CAP2: variants seen among roughly 807,000 people sequenced by gnomAD.
The protein encoded by CAP2 is adenylyl cyclase-associated protein 2.
Under a neutral mutation model 57.7 loss-of-function variants are expected in CAP2, and 24 were observed. The observed-to-expected ratio is 0.42, with a 90% CI of 0.30 to 0.58. The LOEUF (loss-of-function observed/expected upper bound fraction) is 0.58, where lower values mean the gene tolerates loss of function less well. Among genes scored for constraint, CAP2 ranks in the 20% least tolerant of loss-of-function variants. The pLI is 0.22. For synonymous variants in CAP2, 194 were observed against 207.2 expected (o/e 0.94, Z 0.55); for missense variants, 501 against 590.3 (o/e 0.85, Z 1.57).
At chr6:17,486,672 G>A (rs926406148) in intron 4 of CAP2, among the ~76,000 whole-genome samples, 1 of 152,120 alleles carries the variant, frequency 6.6e-6, no homozygotes. Context: ...TAAGACAATC[G>A]AGATTATTCT....
chr6:17,526,374 T>C (rs1762510127), intron 7 of CAP2, among the ~76,000 whole-genome samples: 2 of 151,980 alleles, frequency 1.3e-5, no homozygotes, highest in Admixed American at 1.3e-4. Context: ...CTTCTGTGCC[T>C]CCCAAAGTGC....
At chr6:17,408,339 C>T (rs570617661) in intron 1 of CAP2, among the ~76,000 whole-genome samples, 133 of 152,114 alleles carry the variant, frequency 8.7e-4, no homozygotes, top group Non-Finnish European at 1.3e-3. Flanking sequence ...CTCTACAGCT[C>T]ACAAATGGAT....
intron 2 of CAP2, among the ~76,000 whole-genome samples, chr6:17,424,574 C>T (rs969322266): frequency 2.4e-4 from 36 of 152,008 alleles, no homozygotes; most frequent in African/African-American, 8.7e-4. Flanking sequence ...AGTATTTTTG[C>T]GTTTTTATAA....
intron 1 of CAP2, among the ~76,000 whole-genome samples, chr6:17,408,660 C>CTTTTTTTTTT (rs35571407): frequency 8.3e-6 from 1 of 120,454 alleles, no homozygotes. Flanking sequence ...TGATAGCCTC[C>CTTTTTTTTTT]TTTTTTTTTT....
intron 3 of CAP2, among the ~76,000 whole-genome samples, chr6:17,449,320 A>C (rs1009859881): frequency 2.0e-5 from 3 of 152,194 alleles, no homozygotes; most frequent in African/African-American, 7.2e-5. Context: ...ATAATCATTT[A>C]AAAAATTAGT....
intron 1 of CAP2, among the ~76,000 whole-genome samples, chr6:17,407,643 G>T (rs1759017079): frequency 6.6e-6 from 1 of 151,876 alleles, no homozygotes; most frequent in Non-Finnish European, 1.5e-5. Context: ...GCTGAGTGTG[G>T]TGATGCACGC....
chr6:17,542,139 C>T (rs1241820659), intron 9 of CAP2, among the ~76,000 whole-genome samples: 2 of 152,186 alleles, frequency 1.3e-5, no homozygotes, highest in Non-Finnish European at 2.9e-5. Context: ...ATTCTACTTT[C>T]TGTCTCTATG....
intron 3 of CAP2, among the ~76,000 whole-genome samples, chr6:17,462,303 G>A (rs1411978318): frequency 1.3e-5 from 2 of 152,030 alleles, no homozygotes; most frequent in African/African-American, 2.4e-5. Flanking sequence ...CCTCTAGAAG[G>A]TGTAGAATAG....
At chr6:17,421,804 A>C in intron 2 of CAP2, 128 bp downstream of exon 2, 1 of 1,074,734 alleles carries the variant, frequency 9.3e-7, no homozygotes, top group Non-Finnish European at 1.4e-6. Context: ...GTATGTGACC[A>C]TAACATTAAC....
chr6:17,492,159 G>A lies in CAP2; in HGVS notation c.301-15010G>A, dbSNP rs73721595. On this transcript the variant is annotated intron_variant, in intron 4 of 12. Coordinates refer to ENST00000229922, the MANE Select transcript of CAP2 (RefSeq NM_006366.3). Reference sequence around the variant, plus strand: ...TGCTGGAAAGGTACATCTTAGAAACGCAGAGAAATCTTCTATAATCAACCA... The same window carrying A: ...TGCTGGAAAGGTACATCTTAGAAACACAGAGAAATCTTCTATAATCAACCA... Among the ~76,000 whole-genome samples, 817 of 152,322 alleles carry A rather than the reference G, an allele frequency of 5.4e-3. 8 individuals carry two copies. The highest frequency in any genetic ancestry group is 0.019 in the African/African-American group (789 of 41,558).
chr6:17,409,613 A>C (rs183300707), intron 1 of CAP2, among the ~76,000 whole-genome samples: 1 of 152,186 alleles, frequency 6.6e-6, no homozygotes, highest in East Asian at 1.9e-4. Flanking sequence ...GGCATGTATT[A>C]TTATTGGGTA....
chr6:17,524,160 G>A (rs1329022826), intron 7 of CAP2, among the ~76,000 whole-genome samples: 2 of 151,638 alleles, frequency 1.3e-5, no homozygotes, highest in African/African-American at 2.4e-5. Flanking sequence ...TAATTTGATG[G>A]ATTATTTCTT....
intron 4 of CAP2, among the ~76,000 whole-genome samples, chr6:17,487,115 T>C (rs1259271095): frequency 4.6e-5 from 7 of 152,202 alleles, no homozygotes. Flanking sequence ...GCACGTACTA[T>C]GTGCCAGGTG....
chr6:17,533,868 AT>A (rs1762709232), intron 7 of CAP2, among the ~76,000 whole-genome samples: 1 of 152,186 alleles, frequency 6.6e-6, no homozygotes, highest in Non-Finnish European at 1.5e-5. Flanking sequence ...GCCCAGCCTC[AT>A]TTTTTTAAGT....
chr6:17,512,444 C>A (rs910816265), intron 6 of CAP2, among the ~76,000 whole-genome samples: 1 of 151,754 alleles, frequency 6.6e-6, no homozygotes, highest in Non-Finnish European at 1.5e-5. Flanking sequence ...CATGCTATTT[C>A]TATAATGTCC....
chr6:17,462,659 C>T (rs549588752), intron 3 of CAP2, among the ~76,000 whole-genome samples: 10 of 152,290 alleles, frequency 6.6e-5, no homozygotes, highest in African/African-American at 2.4e-4. Context: ...CAAATGTACT[C>T]TTTTGCGACT....
intron 7 of CAP2, among the ~76,000 whole-genome samples, chr6:17,535,157 A>G (rs1762742254): frequency 6.6e-6 from 1 of 152,172 alleles, no homozygotes; most frequent in Non-Finnish European, 1.5e-5. Flanking sequence ...ATAAAAACTG[A>G]GCCAGATATT....
intron 1 of CAP2, among the ~76,000 whole-genome samples, chr6:17,417,375 A>G (rs1356289937): frequency 3.3e-5 from 5 of 150,794 alleles, no homozygotes; most frequent in Non-Finnish European, 5.9e-5. Context: ...TCCCAGGCTC[A>G]AGAGATCCTC....
chr6:17,449,284 G>C (rs1007908749), intron 3 of CAP2, among the ~76,000 whole-genome samples: 2 of 152,100 alleles, frequency 1.3e-5, no homozygotes, highest in Non-Finnish European at 2.9e-5. Context: ...TCCTATCCCT[G>C]CAAGGATGGT....
Sources: allele counts gnomAD v4.1 joint callset (sites outside exome capture counted in the v4.1 genomes callset), GRCh38; gene constraint gnomAD v4.1.1; transcripts MANE v1.5; gene names NCBI Gene and HGNC (gene_info 2026-07-23, HGNC 2026-07-21).